The following PRKCZ variants were observed in gnomAD, a reference collection of about 807,000 sequenced individuals.
PRKCZ encodes protein kinase C zeta type.
PRKCZ carries 33 observed loss-of-function variants against 79.5 expected under a neutral mutation model. That is an observed-to-expected ratio of 0.41 (90% CI 0.31 to 0.55). The LOEUF is 0.55. PRKCZ is among the 20% of genes least tolerant of loss of function. The pLI, the probability that PRKCZ is intolerant of heterozygous loss-of-function variation, is 0.19. For synonymous variants in PRKCZ, 342 were observed against 320.9 expected, an observed-to-expected ratio of 1.07 and a Z score of -0.70; for missense variants, 578 against 813.5, an observed-to-expected ratio of 0.71 and a Z score of 3.52.
Position 2,152,077 on chromosome 1 carries a change from C to T in PRKCZ, c.876+1099C>T, listed in dbSNP as rs79960719. Among the ~76,000 whole-genome samples the T allele has an allele frequency of 9.5e-3, 1,444 of 152,224 alleles. 28 individuals are homozygous for T. Among genetic ancestry groups the T allele is most frequent in the East Asian group, 0.082 (424 of 5,184 alleles). On this transcript the variant is annotated intron_variant, in intron 9 of 17. Coordinates refer to ENST00000378567, the MANE Select transcript of PRKCZ (RefSeq NM_002744.6). ...TATTGCCCAGGCTGGTCTAGAATTC[C>T]TGCGCTCATGCACTCTGCCCGCCTC...
intron 4 of PRKCZ, among the ~76,000 whole-genome samples, chr1:2,133,471 G>T (rs1404960027): frequency 4.6e-5 from 6 of 131,744 alleles, no homozygotes; most frequent in Non-Finnish European, 9.5e-5. Context: ...ACCCCCAGCT[G>T]TGCGCCCGCC....
rs145664368 is a variant in PRKCZ, at chr1:2,056,497, G to A, written c.207G>A (p.Thr69=). Residue 69 remains threonine (T), a synonymous_variant, in exon 3 of 18, where the codon ACG becomes ACA. Transcript: ENST00000378567. ...KWVDSEGDPC[T]VSSQMELEEA... is the part of the protein sequence containing the mutation. ...TGCCCCACCCAGGTGACCCTTGCACGGTGTCCTCCCAGATGGAGCTGGAAG... is the reference window on the plus strand; with the variant it reads ...TGCCCCACCCAGGTGACCCTTGCACAGTGTCCTCCCAGATGGAGCTGGAAG... 121 of 1,613,792 alleles carry A rather than the reference G, an allele frequency of 7.5e-5. No individual in the cohort carries two copies. Among genetic ancestry groups the A allele is most frequent in the East Asian group, 5.1e-4 (23 of 44,860 alleles).
At chr1:2,119,213 C>CTTTTT (rs201938015) in intron 4 of PRKCZ, among the ~76,000 whole-genome samples, 1 of 126,436 alleles carries the variant, frequency 7.9e-6, no homozygotes. Flanking sequence ...TTATTTTTTC[C>CTTTTT]TTTTTTTTTT....
chr1:2,076,185 C>T (rs192821775), intron 4 of PRKCZ, among the ~76,000 whole-genome samples: 202 of 152,290 alleles, frequency 1.3e-3, no homozygotes, highest in African/African-American at 4.8e-3. Flanking sequence ...ATCTGAAAAA[C>T]CAGGAGCAGG....
intron 11 of PRKCZ, 22 bp downstream of exon 11, chr1:2,169,626 C>T (rs1180190789): frequency 1.1e-5 from 13 of 1,139,104 alleles, no homozygotes; most frequent in African/African-American, 3.8e-5. Flanking sequence ...TGGACGGGGC[C>T]GGGTGGGTGC....
rs2100368279 is a variant in PRKCZ, at chr1:2,173,766, G to C, written c.1286-131G>C. ...CTGTTTGGGAAGTGGAAGTCACAGA[G>C]GCCTGTGTGCCGCCTGCTCAAGCCT... On this transcript the variant is annotated intron_variant, in intron 13 of 17. Transcript: ENST00000378567. This position sits in a 1 kb window ranked among gnomAD's most constrained non-coding sequence, Gnocchi z 5.7. 7.5e-7 allele frequency: 1 copy of C among 1,328,230 alleles called. No individual in the cohort carries two copies. The highest frequency in any genetic ancestry group is 1.0e-6 in the Non-Finnish European group (1 of 991,906). The allele number at this position is 1,328,230 out of a possible 1,614,324, so 82.3% of individuals were successfully genotyped here.
At chr1:2,099,418 A>G (rs1163476172) in intron 4 of PRKCZ, among the ~76,000 whole-genome samples, 1 of 150,764 alleles carries the variant, frequency 6.6e-6, no homozygotes, top group African/African-American at 2.4e-5. Context: ...GTGAAAGCAA[A>G]GCGGGCTCAC....
At chr1:2,060,758 C>A (rs574086052) in intron 4 of PRKCZ, among the ~76,000 whole-genome samples, 2 of 152,158 alleles carry the variant, frequency 1.3e-5, no homozygotes, top group African/African-American at 2.4e-5. Context: ...GGGGTATGTC[C>A]GTGGCAGGCG....
chr1:2,135,832 A>G (rs567533263), intron 5 of PRKCZ, among the ~76,000 whole-genome samples: 78 of 152,322 alleles, frequency 5.1e-4, no homozygotes, highest in Middle Eastern at 6.8e-3. Flanking sequence ...TCCAGAGGAC[A>G]CTTAGCTTAT....
At chr1:2,154,271 G>T (rs968683091) in intron 9 of PRKCZ, among the ~76,000 whole-genome samples, 5 of 152,134 alleles carry the variant, frequency 3.3e-5, no homozygotes, top group African/African-American at 1.2e-4. Flanking sequence ...TGCACATGTT[G>T]AGCAGCCGTC....
chr1:2,138,123 T>C (rs1337319152), intron 5 of PRKCZ, among the ~76,000 whole-genome samples: 1 of 152,246 alleles, frequency 6.6e-6, no homozygotes, highest in Non-Finnish European at 1.5e-5. Flanking sequence ...TCACCTCTGC[T>C]GTCACTTAAA....
At position 2,185,234 on chromosome 1, in the gene PRKCZ, G is replaced by A. The variant is rs967030200; in HGVS notation, c.*225G>A. On this transcript the variant is annotated 3_prime_UTR_variant, in exon 18 of 18. Transcript: ENST00000378567. ...TCGTGCTGGAGGAACTTGCTGCTGT[G>A]CCTGCGTCGCGGCGGATCCGCGGGG... is the stretch of plus-strand genomic sequence containing the variant. The A allele has an allele frequency of 1.4e-5, 10 of 709,340 alleles. No individual in the cohort carries two copies. In the African/African-American group the frequency reaches 1.6e-4, roughly 11 times the overall value. 43.9% of individuals were successfully genotyped at this position (709,340 alleles called of 1,614,324 possible). A position where few individuals can be genotyped will look rare whatever the true frequency, so the allele number is the denominator to read the frequency against.
At position 2,172,505 on chromosome 1, in the gene PRKCZ, T is replaced by C. The variant is rs767112164; in HGVS notation, c.1285+117T>C. On this transcript the variant is annotated intron_variant, in intron 13 of 17. Coordinates refer to ENST00000378567, the MANE Select transcript of PRKCZ (RefSeq NM_002744.6). This position sits in a 1 kb window ranked among gnomAD's most constrained non-coding sequence, Gnocchi z 7.8. ...CATCTTACACCCAAAAGCCACACAC[T>C]GTCTTTCCCAGCCGGATGTCATCAT... 6.1e-6 allele frequency: 7 copies of C among 1,145,558 alleles called. No individual in the cohort carries two copies. Among genetic ancestry groups the C allele is most frequent in the Admixed American group, 5.6e-5 (2 of 35,950 alleles). 71.0% of individuals were successfully genotyped at this position (1,145,558 alleles called of 1,614,324 possible).
At position 2,173,399 on chromosome 1, in the gene PRKCZ, C is replaced by T. The variant is rs1004810132; in HGVS notation, c.1286-498C>T. Among the ~76,000 whole-genome samples, 1 of 152,220 alleles carries T rather than the reference C, an allele frequency of 6.6e-6. No homozygotes were observed. The highest frequency in any genetic ancestry group is 1.5e-5 in the Non-Finnish European group (1 of 68,044). ...AGGGGGACTTCCGGGGACGCAGAGA[C>T]AGCTGCTGTCCTTGGGCAAAACGGG... On this transcript the variant is annotated intron_variant, in intron 13 of 17. Coordinates refer to ENST00000378567, the MANE Select transcript of PRKCZ (RefSeq NM_002744.6). This position sits in a 1 kb window ranked among gnomAD's most constrained non-coding sequence, Gnocchi z 5.7.
At chr1:2,052,740 G>A (rs991582051) in intron 1 of PRKCZ, among the ~76,000 whole-genome samples, 4 of 152,318 alleles carry the variant, frequency 2.6e-5, no homozygotes, top group Non-Finnish European at 5.9e-5. Flanking sequence ...TCCAGAAAGC[G>A]GCTGCCAGGA....
At chr1:2,160,310 G>A (rs561434186) in intron 10 of PRKCZ, among the ~76,000 whole-genome samples, 1 of 151,700 alleles carries the variant, frequency 6.6e-6, no homozygotes, top group East Asian at 1.9e-4. Flanking sequence ...CTCTGGAGAG[G>A]GAGACAGCTT....
chr1:2,111,172 C>G (rs1034096800), intron 4 of PRKCZ, among the ~76,000 whole-genome samples: 1 of 151,958 alleles, frequency 6.6e-6, no homozygotes, highest in Admixed American at 6.6e-5. Context: ...GCTGGCTGTG[C>G]GTGTTGGGCC....
At chr1:2,153,414 C>G (rs1252309639) in intron 9 of PRKCZ, among the ~76,000 whole-genome samples, 1 of 152,244 alleles carries the variant, frequency 6.6e-6, no homozygotes, top group Non-Finnish European at 1.5e-5. Flanking sequence ...GGGGGTCCCT[C>G]CTCGCCAGCC....
chr1:2,180,537 C>CGGACGACGTGGATGCAT (rs896461896), intron 16 of PRKCZ, among the ~76,000 whole-genome samples: 1 of 151,650 alleles, frequency 6.6e-6, no homozygotes, highest in Admixed American at 6.6e-5. Flanking sequence ...CGTGGACGCA[C>CGGACGACGTGGATGCAT]GGACGACGTG....
Sources: allele counts gnomAD v4.1 joint callset (sites outside exome capture counted in the v4.1 genomes callset), GRCh38; gene constraint gnomAD v4.1.1; non-coding constraint Gnocchi (gnomAD v3.1); transcripts MANE v1.5; gene names NCBI Gene and HGNC (gene_info 2026-07-23, HGNC 2026-07-21).